The following CDH4 variants were observed in gnomAD, a reference collection of about 807,000 sequenced individuals.
CDH4 encodes cadherin-4.
CDH4 carries 33 observed loss-of-function variants against 86.0 expected under a neutral mutation model. That is an observed-to-expected ratio of 0.38 (90% CI 0.29 to 0.51). The LOEUF is 0.51. Ranked by LOEUF, CDH4 falls within the 20% of genes least tolerant of loss-of-function variation. The probability of loss-of-function intolerance (pLI) is 0.86; values close to 1 mark genes in which losing one functional copy is unlikely to be tolerated. For synonymous variants in CDH4, 555 were observed against 549.4 expected, an observed-to-expected ratio of 1.01 and a Z score of -0.14; for missense variants, 1,114 against 1,307.4, an observed-to-expected ratio of 0.85 and a Z score of 2.28.
At chr20:61,763,052 A>G (rs2088655519) in intron 3 of CDH4, among the ~76,000 whole-genome samples, 1 of 152,250 alleles carries the variant, frequency 6.6e-6, no homozygotes. Flanking sequence ...GGACATGTCC[A>G]GCAGGATCAG....
chr20:61,940,536 CAGT>C lies in CDH4; in HGVS notation c.*3596_*3598del, dbSNP rs1448573733. 1 of 152,122 alleles carries C rather than the reference CAGT, an allele frequency of 6.6e-6. No homozygotes were observed. Among genetic ancestry groups the C allele is most frequent in the Non-Finnish European group, 1.5e-5 (1 of 68,056 alleles). The allele number at this position is 152,122 out of a possible 1,614,324, so 9.4% of individuals were successfully genotyped here. ...TGCCAGACAGTCTTGGTCCTGAACT[CAGT>C]AGACCCTTGCGGAGCGGTTGTGCGC... On this transcript the variant is annotated 3_prime_UTR_variant, in exon 16 of 16. Coordinates refer to ENST00000614565, the MANE Select transcript of CDH4 (RefSeq NM_001794.5).
chr20:61,924,765 A>G (rs768683131), intron 11 of CDH4, among the ~76,000 whole-genome samples: 57 of 151,148 alleles, frequency 3.8e-4, no homozygotes, highest in Non-Finnish European at 6.5e-4. Flanking sequence ...TTTCCCCCCA[A>G]CGTCACTCAC....
intron 3 of CDH4, among the ~76,000 whole-genome samples, chr20:61,748,134 T>G (rs1458241459): frequency 3.4e-5 from 5 of 148,148 alleles, no homozygotes; most frequent in Non-Finnish European, 7.4e-5. Context: ...CATTGAATGA[T>G]TTCTTTTCTT....
chr20:61,921,069 C>T (rs1394533440), intron 9 of CDH4, among the ~76,000 whole-genome samples: 6 of 128,194 alleles, frequency 4.7e-5, no homozygotes, highest in Non-Finnish European at 6.5e-5. Context: ...AGCGTGGTGT[C>T]GTGATTGCAT....
chr20:61,624,784 A>G (rs2086813894), intron 2 of CDH4, among the ~76,000 whole-genome samples: 1 of 152,244 alleles, frequency 6.6e-6, no homozygotes, highest in African/African-American at 2.4e-5. Context: ...CAGAAGGAAG[A>G]AGAGTCGGGG....
intron 4 of CDH4, among the ~76,000 whole-genome samples, chr20:61,804,614 A>G (rs1467021260): frequency 2.6e-5 from 4 of 151,982 alleles, no homozygotes; most frequent in African/African-American, 9.7e-5. Flanking sequence ...TCCTCTGTGG[A>G]CCTGCCCAGC....
Position 61,939,160 on chromosome 20 carries a change from C to T in CDH4, c.*2217C>T, listed in dbSNP as rs4925324. On this transcript the variant is annotated 3_prime_UTR_variant, in exon 16 of 16. Transcript: ENST00000614565. ...CCATGCTTCAGTCCTTCGGAGTATGCGTGGATTGTTCGAAGTGTGACTATG... is the reference window on the plus strand; with the variant it reads ...CCATGCTTCAGTCCTTCGGAGTATGTGTGGATTGTTCGAAGTGTGACTATG... The T allele has an allele frequency of 0.044, 6,716 of 152,294 alleles. 547 individuals are homozygous for T. Among genetic ancestry groups the T allele is most frequent in the East Asian group, 0.19 (979 of 5,160 alleles). 9.4% of individuals were successfully genotyped at this position (152,294 alleles called of 1,614,324 possible). A position where few individuals can be genotyped will look rare whatever the true frequency, so the allele number is the denominator to read the frequency against.
At chr20:61,794,294 C>A (rs978489278) in intron 4 of CDH4, among the ~76,000 whole-genome samples, 9 of 152,008 alleles carry the variant, frequency 5.9e-5, no homozygotes, top group Non-Finnish European at 1.2e-4. Flanking sequence ...GGAAGTGAAC[C>A]AATGAAGGGG....
chr20:61,299,850 A>G (rs1176367996), intron 2 of CDH4, among the ~76,000 whole-genome samples: 1 of 152,192 alleles, frequency 6.6e-6, no homozygotes, highest in East Asian at 1.9e-4. Flanking sequence ...CTAAACTATA[A>G]GCCATAAGTA....
intron 4 of CDH4, among the ~76,000 whole-genome samples, chr20:61,830,779 C>T (rs769745621): frequency 6.6e-6 from 1 of 152,214 alleles, no homozygotes; most frequent in African/African-American, 2.4e-5. Context: ...TTTACTTCCG[C>T]TTCTGGGCGC....
At chr20:61,328,708 C>T (rs2084550998) in intron 2 of CDH4, among the ~76,000 whole-genome samples, 1 of 152,142 alleles carries the variant, frequency 6.6e-6, no homozygotes, top group Non-Finnish European at 1.5e-5. Flanking sequence ...ATTGCTTGAA[C>T]CCAGGAGGTT....
rs999995725 is a variant in CDH4 at position 61,710,045 on chromosome 20, G to A, written c.170-33518G>A. 1.9e-4 allele frequency among the ~76,000 whole-genome samples: 29 copies of A among 152,228 alleles called. No individual in the cohort carries two copies. In the Middle Eastern group the frequency reaches 0.01, roughly 54 times the overall value. On this transcript the variant is annotated intron_variant, in intron 2 of 15. Coordinates refer to ENST00000614565, the MANE Select transcript of CDH4 (RefSeq NM_001794.5). ...GGATGTTCTTCCCCTGTCCGTGGGC[G>A]GCCAGGGTGGGCCTGGGGAATGCAG...
chr20:61,308,199 A>T (rs561670420), intron 2 of CDH4, among the ~76,000 whole-genome samples: 188 of 152,306 alleles, frequency 1.2e-3, no homozygotes, highest in African/African-American at 4.4e-3. Flanking sequence ...TTGGTTTTGA[A>T]TGTATGTAGC....
chr20:61,737,444 C>T (rs1048856282), intron 2 of CDH4, among the ~76,000 whole-genome samples: 4 of 152,118 alleles, frequency 2.6e-5, no homozygotes, highest in Non-Finnish European at 5.9e-5. Flanking sequence ...ACACCCTGCA[C>T]GGCTCCCCAT....
At chr20:61,671,368 C>G (rs1172620589) in intron 2 of CDH4, among the ~76,000 whole-genome samples, 1 of 152,158 alleles carries the variant, frequency 6.6e-6, no homozygotes, top group Admixed American at 6.5e-5. Context: ...CAGTGGCACA[C>G]ACCTGTAGTC....
chr20:61,889,395 G>C lies in CDH4; in HGVS notation c.1051-5515G>C, dbSNP rs548621636. ...GATGGGTGGGTGGATGGTGGATGAT[G>C]GATGAGGGATGGGTGGGTAGATGAT... is the stretch of plus-strand genomic sequence containing the variant. On this transcript the variant is annotated intron_variant, in intron 7 of 15. Coordinates refer to ENST00000614565, the MANE Select transcript of CDH4 (RefSeq NM_001794.5). 1.4e-4 allele frequency among the ~76,000 whole-genome samples: 21 copies of C among 150,132 alleles called. No homozygotes were observed. The East Asian group carries it at 4.2e-3, about 30-fold the overall frequency.
At chr20:61,795,917 G>C (rs1182865072) in intron 4 of CDH4, among the ~76,000 whole-genome samples, 1 of 152,196 alleles carries the variant, frequency 6.6e-6, no homozygotes. Flanking sequence ...GGCGGGCTTT[G>C]TCCTGAGAGT....
At chr20:61,825,796 G>A (rs1981283354) in intron 4 of CDH4, among the ~76,000 whole-genome samples, 1 of 152,174 alleles carries the variant, frequency 6.6e-6, no homozygotes, top group South Asian at 2.1e-4. Context: ...CCGAACACCT[G>A]ACTTCCCTCC....
rs952736508 is a variant in CDH4 at position 61,418,313 on chromosome 20, C to T, written c.169+163376C>T. 7.2e-5 allele frequency among the ~76,000 whole-genome samples: 11 copies of T among 151,902 alleles called. No homozygotes were observed. The East Asian group carries it at 1.4e-3, about 19-fold the overall frequency. ...GCAAGCTCCGCCTCCCGGGTTCACA[C>T]CATTCTCCTGCCTCAGCCTCCTGAG... On this transcript the variant is annotated intron_variant, in intron 2 of 15. Transcript: ENST00000614565.
Sources: gnomAD v4.1 joint callset for allele counts (sites outside exome capture counted in the v4.1 genomes callset) on GRCh38, gnomAD v4.1.1 for gene constraint, MANE v1.5 for transcripts, NCBI Gene and HGNC (gene_info 2026-07-23, HGNC 2026-07-21) for gene names.